Variants in ASXL1 observed in about 807,000 individuals in gnomAD.
The protein encoded by ASXL1 is polycomb group protein ASXL1.
ASXL1 carries 65 observed loss-of-function variants against 89.1 expected under a neutral mutation model. That is an observed-to-expected ratio of 0.73 (90% CI 0.60 to 0.90). The LOEUF is 0.90. Among genes scored for constraint, ASXL1 ranks in the 40% least tolerant of loss-of-function variants. The pLI, the probability that ASXL1 is intolerant of heterozygous loss-of-function variation, is 0.00. For synonymous variants in ASXL1, 739 were observed against 746.9 expected, an observed-to-expected ratio of 0.99 and a Z score of 0.17; for missense variants, 1,786 against 1,942.9, an observed-to-expected ratio of 0.92 and a Z score of 1.52.
chr20:32,429,291 G>A lies in ASXL1; in HGVS notation c.472-47G>A. ...AGTGTCGCCAGGGAATGCTTTTGTG[G>A]CTCTGCAGTTGACTTGGGCTCTCTT... On this transcript the variant is annotated intron_variant, in intron 6 of 12. Transcript: ENST00000375687. This position sits in a 1 kb window ranked among gnomAD's most constrained non-coding sequence, Gnocchi z 4.9. The A allele has an allele frequency of 6.3e-7, 1 of 1,576,318 alleles. No homozygotes were observed. Among genetic ancestry groups the A allele is most frequent in the Non-Finnish European group, 8.7e-7 (1 of 1,148,638 alleles).
In ASXL1 at chr20:32,385,622, CTTTTTTTTTTTAG is replaced by C. The variant is rs2048566065; in HGVS notation, c.252+16501_252+16513del. Among the ~76,000 whole-genome samples, 3 of 146,948 alleles carry C rather than the reference CTTTTTTTTTTTAG, an allele frequency of 2.0e-5. No individual in the cohort carries two copies. The South Asian group carries it at 6.5e-4, about 32-fold the overall frequency. On this transcript the variant is annotated intron_variant, in intron 4 of 12. Coordinates refer to ENST00000375687, the MANE Select transcript of ASXL1 (RefSeq NM_015338.6). ...GACAATTCTACTTCTAAAACTTCAA[CTTTTTTTTTTTAG>C]TCTTCATTTCCATTGCCACCACCCT...
intron 4 of ASXL1, among the ~76,000 whole-genome samples, chr20:32,385,989 C>T (rs780133816): frequency 2.0e-5 from 3 of 152,206 alleles, no homozygotes; most frequent in Non-Finnish European, 4.4e-5. Flanking sequence ...CAAGAGCTGA[C>T]AACTTACCTC....
At chr20:32,363,286 G>A (rs992918991) in intron 1 of ASXL1, among the ~76,000 whole-genome samples, 3 of 151,750 alleles carry the variant, frequency 2.0e-5, no homozygotes, top group African/African-American at 4.8e-5. Flanking sequence ...ATAAAAATTC[G>A]CCAGCTCAGC....
At chr20:32,398,801 G>A (rs1316661723) in intron 4 of ASXL1, among the ~76,000 whole-genome samples, 1 of 151,214 alleles carries the variant, frequency 6.6e-6, no homozygotes, top group Non-Finnish European at 1.5e-5. Flanking sequence ...AGTAGAGACG[G>A]GGTTTCACCG....
intron 4 of ASXL1, among the ~76,000 whole-genome samples, chr20:32,378,965 T>TA (rs2048436143): frequency 6.6e-6 from 1 of 151,030 alleles, no homozygotes; most frequent in Non-Finnish European, 1.5e-5. Flanking sequence ...CTGTCTCTAT[T>TA]AAAAATAAAA....
chr20:32,412,717 T>C (rs2049070587), intron 4 of ASXL1, among the ~76,000 whole-genome samples: 1 of 149,564 alleles, frequency 6.7e-6, no homozygotes, highest in Non-Finnish European at 1.5e-5. Flanking sequence ...GCATCCTGGC[T>C]GGCTAATTTT....
chr20:32,387,861 T>G (rs2048605857), intron 4 of ASXL1, among the ~76,000 whole-genome samples: 1 of 152,210 alleles, frequency 6.6e-6, no homozygotes, highest in African/African-American at 2.4e-5. Flanking sequence ...ATCTCAAAAT[T>G]AACATGTGCA....
intron 4 of ASXL1, among the ~76,000 whole-genome samples, chr20:32,402,959 G>GT (rs1049547554): frequency 4.0e-5 from 6 of 151,722 alleles, no homozygotes; most frequent in South Asian, 2.1e-4. Context: ...AAATTTTATA[G>GT]TTTTTTTTGG....
Position 32,433,355 on chromosome 20 carries a change from T to A in ASXL1, c.1157T>A (p.Leu386Ter), listed in dbSNP as rs772584710. Residue 386 changes from leucine to a stop codon, truncating the protein, a stop_gained, in exon 12 of 13, where the codon TTG becomes TAG. Coordinates refer to ENST00000375687, the MANE Select transcript of ASXL1 (RefSeq NM_015338.6). LOFTEE classifies it high-confidence loss of function. ...GAGGAGGCTGAAATCAAAAGTGGCTTGTGTGTCCCAGGAGAATCAGTGCGT... is the reference window on the plus strand; with the variant it reads ...GAGGAGGCTGAAATCAAAAGTGGCTAGTGTGTCCCAGGAGAATCAGTGCGT... ...GQEEAEIKSG[L>*]CVPGESVRIQ... 1 of 1,614,142 alleles carries A rather than the reference T, an allele frequency of 6.2e-7. No homozygotes were observed. Among genetic ancestry groups the A allele is most frequent in the Non-Finnish European group, 8.5e-7 (1 of 1,180,020 alleles).
At chr20:32,415,872 C>T (rs2049129777) in intron 4 of ASXL1, among the ~76,000 whole-genome samples, 1 of 151,858 alleles carries the variant, frequency 6.6e-6, no homozygotes, top group Non-Finnish European at 1.5e-5. Context: ...TTCATTTTGC[C>T]ATGTTTATCC....
At position 32,437,499 on chromosome 20, in the gene ASXL1, C is replaced by G. The variant is rs947918372; in HGVS notation, c.*161C>G. On this transcript the variant is annotated 3_prime_UTR_variant, in exon 13 of 13. Transcript: ENST00000375687. ...ACTGCTAAAGCCCTCTGTCACTTGG[C>G]GACCCTTCTGGTCTTGCTGGAGGGG... The G allele has an allele frequency of 8.5e-7, 1 of 1,179,186 alleles. No individual in the cohort carries two copies. Among genetic ancestry groups the G allele is most frequent in the East Asian group, 2.5e-5 (1 of 39,522 alleles). The allele number at this position is 1,179,186 out of a possible 1,614,324, so 73.0% of individuals were successfully genotyped here. A position where few individuals can be genotyped will look rare whatever the true frequency, so the allele number is the denominator to read the frequency against.
chr20:32,411,795 C>T (rs1366715184), intron 4 of ASXL1, among the ~76,000 whole-genome samples: 1 of 152,140 alleles, frequency 6.6e-6, no homozygotes, highest in Non-Finnish European at 1.5e-5. Flanking sequence ...GCTTTGGCCT[C>T]CCAAAGTGCT....
In ASXL1 at chr20:32,423,373, G is replaced by A. The variant is rs889527592; in HGVS notation, c.253-4755G>A. 4.0e-5 allele frequency among the ~76,000 whole-genome samples: 6 copies of A among 150,640 alleles called. No individual in the cohort carries two copies. In the East Asian group the frequency reaches 5.9e-4, roughly 15 times the overall value. The stretch of plus-strand genomic sequence containing the variant: ...GCTTCCCAAGTAGCTGGGATTACAG[G>A]TGTGTGCCACCATGCCTAGCTAATT... On this transcript the variant is annotated intron_variant, in intron 4 of 12. Coordinates refer to ENST00000375687, the MANE Select transcript of ASXL1 (RefSeq NM_015338.6).
At chr20:32,428,021 A>G (rs2011379838) in intron 4 of ASXL1, 107 bp from the exon 5 acceptor site, 2 of 1,507,642 alleles carry the variant, frequency 1.3e-6, no homozygotes, top group Admixed American at 1.9e-5. Context: ...GGAACTTGTC[A>G]GTATTCTAAA....
intron 4 of ASXL1, among the ~76,000 whole-genome samples, chr20:32,379,081 TCA>T (rs60897071): frequency 5.7e-4 from 81 of 142,998 alleles, no homozygotes; most frequent in Non-Finnish European, 4.1e-4. Context: ...ACTCTGTCTC[TCA>T]CACACACACA....
rs373486603 is a variant in ASXL1, at chr20:32,433,586, G to A, written c.1388G>A (p.Ser463Asn). 4.3e-5 allele frequency: 69 copies of A among 1,614,062 alleles called. No homozygotes were observed. The highest frequency in any genetic ancestry group is 5.3e-5 in the Non-Finnish European group (62 of 1,180,038). ...AAGACTGACCCAGCAGGGCTGAGCA[G>A]TCCCCATCTGCCAGGCACATCCTCT... ...EAKTDPAGLS[S>N]PHLPGTSSAA... Residue 463 changes from serine (S) to asparagine (N), a missense_variant, in exon 12 of 13, where the codon AGT (serine) becomes AAT (asparagine). Coordinates refer to ENST00000375687, the MANE Select transcript of ASXL1 (RefSeq NM_015338.6).
chr20:32,435,131 G>T lies in ASXL1; in HGVS notation c.2419G>T (p.Val807Phe). The change falls in exon 13 of 13, where the codon GTT (valine) becomes TTT (phenylalanine). Residue 807 changes from valine (V) to phenylalanine (F), a missense_variant. Physicochemically the swap from Val to Phe is conservative, Grantham distance 50 (BLOSUM62 -1). Coordinates refer to ENST00000375687, the MANE Select transcript of ASXL1 (RefSeq NM_015338.6). ...TGATGATGAGGAGCAAGGACCCACC[G>T]TTCCTGCAGACAATGGTCCCATTCC... ...ESDDEEQGPT[V>F]PADNGPIPSL... The T allele has an allele frequency of 2.5e-6, 4 of 1,613,962 alleles. No homozygotes were observed. The highest frequency in any genetic ancestry group is 3.4e-6 in the Non-Finnish European group (4 of 1,180,030).
rs769152174 is a variant in ASXL1 at position 32,433,926 on chromosome 20, CTG to C, written c.1719+11_1719+12del. On this transcript the variant is annotated intron_variant, in intron 12 of 12. Transcript: ENST00000375687. Reference sequence around the variant, plus strand: ...AAGTCCCGCCCATCCGGGTAGGAGACTGTTTGATTCCTGGCTGCCCTGGAGCC... The same window carrying C: ...AAGTCCCGCCCATCCGGGTAGGAGACTTTGATTCCTGGCTGCCCTGGAGCC... 16 of 1,611,934 alleles carry C rather than the reference CTG, an allele frequency of 9.9e-6. No individual in the cohort carries two copies. Among genetic ancestry groups the C allele is most frequent in the Middle Eastern group, 1.9e-4 (1 of 5,160 alleles).
chr20:32,426,554 CTTTTTT>C (rs1177815042), intron 4 of ASXL1, among the ~76,000 whole-genome samples: 9 of 83,952 alleles, frequency 1.1e-4, no homozygotes, highest in Middle Eastern at 6.3e-3. Context: ...TTTTTTCTTT[CTTTTTT>C]TTTTTTTTTT....
Sources: allele counts gnomAD v4.1 joint callset (sites outside exome capture counted in the v4.1 genomes callset), GRCh38; gene constraint gnomAD v4.1.1; non-coding constraint Gnocchi (gnomAD v3.1); transcripts MANE v1.5; gene names NCBI Gene and HGNC (gene_info 2026-07-23, HGNC 2026-07-21).